Variants in JMY observed in about 807,000 individuals in gnomAD.
The protein encoded by JMY is junction-mediating and -regulatory protein.
In JMY, 46 loss-of-function variants were observed where a neutral mutation model predicts 103.3. That is an observed-to-expected ratio of 0.45 (90% CI 0.35 to 0.57). The LOEUF (loss-of-function observed/expected upper bound fraction) is 0.57. Ranked by LOEUF, JMY falls within the 20% of genes least tolerant of loss-of-function variation. The pLI is 0.00. For synonymous variants in JMY, 526 were observed against 489.3 expected (o/e 1.07, Z -0.99); for missense variants, 1,238 against 1,255.2 (o/e 0.99, Z 0.21).
At chr5:79,300,970 T>C (rs1746717089) in intron 6 of JMY, 107 bp downstream of exon 6, 1 of 900,018 alleles carries the variant, frequency 1.1e-6, no homozygotes. Context: ...AAGTAAGCAC[T>C]ATCTCTTATC....
chr5:79,280,016 G>T (rs1309631251), intron 2 of JMY, among the ~76,000 whole-genome samples: 11 of 152,018 alleles, frequency 7.2e-5, no homozygotes, highest in Non-Finnish European at 1.6e-4. Context: ...GCTGTTTTTT[G>T]TCGTAGTTTT....
chr5:79,272,022 G>A (rs1029558494), intron 1 of JMY, among the ~76,000 whole-genome samples: 3 of 151,710 alleles, frequency 2.0e-5, no homozygotes, highest in African/African-American at 4.8e-5. Context: ...TGAGGCAGGA[G>A]AATTGCTTGA....
rs747783838 is a variant in JMY at position 79,316,154 on chromosome 5, A to G, written c.2814A>G (p.Val938=). Residue 938 remains valine (V), a synonymous_variant, in exon 10 of 11, where the codon GTA becomes GTG. Transcript: ENST00000396137. ...GGAAAGGGGTAAAATTGAAGAAGGT[A>G]CAGAAGGATGTTTTGAGAGAATCCT... ...QIRKGVKLKK[V]QKDVLRESFT... The G allele has an allele frequency of 3.7e-6, 6 of 1,614,174 alleles. No homozygotes were observed. The highest frequency in any genetic ancestry group is 5.1e-6 in the Non-Finnish European group (6 of 1,179,996).
chr5:79,291,282 C>A lies in JMY; in HGVS notation c.1510C>A (p.His504Asn). 1 of 1,575,368 alleles carries A rather than the reference C, an allele frequency of 6.3e-7. No individual in the cohort carries two copies. The highest frequency in any genetic ancestry group is 1.2e-5 in the South Asian group (1 of 83,162). ...AGAGATATGCTTGGAACAGCGGAAA[C>A]ATGCACTAAAGGAAGAGGTAACAAA... ...AKEICLEQRKHALKEEMQSLR... is the reference protein window; with the variant it reads ...AKEICLEQRKNALKEEMQSLR... The change falls in exon 4 of 11, where the codon CAT becomes AAT. Residue 504 changes from histidine to asparagine, a missense_variant. By Grantham distance (68) the His-to-Asn change is moderately conservative. Coordinates refer to ENST00000396137, the MANE Select transcript of JMY (RefSeq NM_152405.5).
chr5:79,318,776 AGAGAGAGAGAGAGAGAGAGAGAGAGAGG>A (rs1463353780), intron 10 of JMY, among the ~76,000 whole-genome samples: 40 of 24,858 alleles, frequency 1.6e-3, no homozygotes, highest in Non-Finnish European at 2.6e-3. Context: ...AGAGAGAGAG[AGAGAGAGAGAGAGAGAGAGAGAGAGAGG>A]GATGCATATC....
chr5:79,236,996 C>T lies in JMY; in HGVS notation c.346C>T (p.Pro116Ser), dbSNP rs983805205. ...RSSAWAEGGSPRSTRSLLGDP... is the reference protein window; with the variant it reads ...RSSAWAEGGSSRSTRSLLGDP... ...CTCGGCCTGGGCGGAGGGCGGCTCT[C>T]CTCGGAGCACTCGCAGCCTTCTGGG... Residue 116 changes from proline to serine, a missense_variant, in exon 1 of 11, where the codon CCT (proline) becomes TCT (serine). Coordinates refer to ENST00000396137, the MANE Select transcript of JMY (RefSeq NM_152405.5). The T allele has an allele frequency of 2.7e-6, 4 of 1,475,400 alleles. No homozygotes were observed. Among genetic ancestry groups the T allele is most frequent in the South Asian group, 1.4e-5 (1 of 72,006 alleles). The allele number at this position is 1,475,400 out of a possible 1,614,324, so 91.4% of individuals were successfully genotyped here.
At chr5:79,292,400 C>T (rs1028407987) in intron 4 of JMY, among the ~76,000 whole-genome samples, 1 of 152,092 alleles carries the variant, frequency 6.6e-6, no homozygotes, top group African/African-American at 2.4e-5. Context: ...CACTGCAGCC[C>T]TGACCTCTTG....
In JMY at chr5:79,327,019, A is replaced by C. The variant is rs945905426; in HGVS notation, c.*5417A>C. The C allele has an allele frequency of 1.3e-5, 2 of 152,204 alleles. No individual in the cohort carries two copies. The highest frequency in any genetic ancestry group is 4.8e-5 in the African/African-American group (2 of 41,448). 9.4% of individuals were successfully genotyped at this position (152,204 alleles called of 1,614,324 possible). ...ACTGTTGCCTTTTGCTCTTTAGTGC[A>C]GCTTTTCTGCATTGTAATTGTATTG... is the stretch of plus-strand genomic sequence containing the variant. On this transcript the variant is annotated 3_prime_UTR_variant, in exon 11 of 11. Coordinates refer to ENST00000396137, the MANE Select transcript of JMY (RefSeq NM_152405.5).
intron 2 of JMY, among the ~76,000 whole-genome samples, chr5:79,286,543 T>C (rs1464559020): frequency 6.6e-6 from 1 of 151,670 alleles, no homozygotes; most frequent in African/African-American, 2.4e-5. Context: ...CTCAGGAAGC[T>C]GAGGCAGGAG....
intron 1 of JMY, among the ~76,000 whole-genome samples, chr5:79,244,281 A>G (rs984419990): frequency 1.7e-4 from 26 of 152,302 alleles, no homozygotes; most frequent in Middle Eastern, 3.4e-3. Flanking sequence ...GATTACAAGC[A>G]TGAGCCACCA....
chr5:79,318,146 C>T (rs769922474), intron 10 of JMY, among the ~76,000 whole-genome samples: 43 of 151,308 alleles, frequency 2.8e-4, no homozygotes, highest in Non-Finnish European at 4.6e-4. Context: ...GGATTACAGG[C>T]GACTGCCATG....
chr5:79,302,552 A>T (rs1746768440), intron 6 of JMY, among the ~76,000 whole-genome samples: 1 of 152,062 alleles, frequency 6.6e-6, no homozygotes, highest in African/African-American at 2.4e-5. Flanking sequence ...TGTTGGGGTA[A>T]TTACAAGCAG....
intron 4 of JMY, among the ~76,000 whole-genome samples, chr5:79,299,472 C>T (rs148766789): frequency 1.4e-4 from 22 of 152,162 alleles, no homozygotes; most frequent in Admixed American, 8.5e-4. Flanking sequence ...ACTCCAGCAC[C>T]GAGAACTGAC....
chr5:79,314,031 G>A (rs866778161), intron 8 of JMY, among the ~76,000 whole-genome samples: 3 of 152,098 alleles, frequency 2.0e-5, no homozygotes, highest in African/African-American at 4.8e-5. Context: ...GCTAATTTTT[G>A]TATTTTTAGT....
chr5:79,253,458 G>T (rs558451006), intron 1 of JMY, among the ~76,000 whole-genome samples: 24 of 151,992 alleles, frequency 1.6e-4, no homozygotes, highest in African/African-American at 5.8e-4. Context: ...AAGCCCAGCT[G>T]GTTTTTTGTG....
At chr5:79,297,523 A>C (rs558620929) in intron 4 of JMY, among the ~76,000 whole-genome samples, 1 of 152,180 alleles carries the variant, frequency 6.6e-6, no homozygotes, top group African/African-American at 2.4e-5. Flanking sequence ...TGCCCGCTCC[A>C]TACCTCTTCA....
At chr5:79,268,762 A>G (rs1318992026) in intron 1 of JMY, among the ~76,000 whole-genome samples, 1 of 152,202 alleles carries the variant, frequency 6.6e-6, no homozygotes, top group African/African-American at 2.4e-5. Flanking sequence ...TGCTGGGATT[A>G]CAGGCGTGAG....
intron 6 of JMY, among the ~76,000 whole-genome samples, chr5:79,305,634 G>C (rs1746858645): frequency 6.6e-6 from 1 of 152,116 alleles, no homozygotes; most frequent in African/African-American, 2.4e-5. Context: ...ATATCTCACA[G>C]TTATTGCAAA....
intron 4 of JMY, among the ~76,000 whole-genome samples, chr5:79,291,937 A>G (rs1314924588): frequency 2.6e-5 from 4 of 152,252 alleles, no homozygotes; most frequent in Non-Finnish European, 5.9e-5. Flanking sequence ...ATAAGAATAC[A>G]GCATTATGTA....
Sources: allele counts gnomAD v4.1 joint callset (sites outside exome capture counted in the v4.1 genomes callset), GRCh38; gene constraint gnomAD v4.1.1; transcripts MANE v1.5; gene names NCBI Gene and HGNC (gene_info 2026-07-23, HGNC 2026-07-21).